The following ZFC3H1 variants were observed in gnomAD, a reference collection of about 807,000 sequenced individuals.
ZFC3H1 encodes zinc finger C3H1-type containing, also known as zinc finger C3H1 domain-containing protein.
In ZFC3H1, 71 loss-of-function variants were observed where a neutral mutation model predicts 243.7. The ratio of observed to expected loss-of-function variants is 0.29; its 90% CI spans 0.24 to 0.36. The LOEUF (loss-of-function observed/expected upper bound fraction) is 0.36. Among genes scored for constraint, ZFC3H1 ranks in the 10% least tolerant of loss-of-function variants. The pLI is 1.00. For missense variants in ZFC3H1, 1,966 were observed against 2,317.1 expected, an observed-to-expected ratio of 0.85 and a Z score of 3.11; for synonymous variants, 838 against 813.0, an observed-to-expected ratio of 1.03 and a Z score of -0.52.
intron 1 of ZFC3H1, among the ~76,000 whole-genome samples, chr12:71,661,748 T>C (rs1166923913): frequency 6.6e-6 from 1 of 152,188 alleles, no homozygotes; most frequent in African/African-American, 2.4e-5. Context: ...CTCAAAGTGT[T>C]GGGATTACAG....
At chr12:71,635,011 C>G (rs1002426780) in intron 10 of ZFC3H1, among the ~76,000 whole-genome samples, 186 bp from the exon 11 acceptor site, 1 of 152,022 alleles carries the variant, frequency 6.6e-6, no homozygotes, top group African/African-American at 2.4e-5. Flanking sequence ...TATACGCCAC[C>G]AAGTAGTGAA....
chr12:71,618,364 C>T (rs1434861199), intron 27 of ZFC3H1, among the ~76,000 whole-genome samples: 1 of 151,288 alleles, frequency 6.6e-6, no homozygotes, highest in Non-Finnish European at 1.5e-5. Flanking sequence ...ATTCTATTTT[C>T]GCTCATCTGT....
chr12:71,629,576 C>CACAG, intron 19 of ZFC3H1, 33 bp downstream of exon 19: 1 of 1,324,134 alleles, frequency 7.6e-7, no homozygotes, highest in Non-Finnish European at 1.1e-6. Context: ...CACACACACA[C>CACAG]ACACACACAC....
intron 25 of ZFC3H1, 33 bp from the exon 26 acceptor site, chr12:71,620,157 A>T: frequency 6.2e-7 from 1 of 1,611,634 alleles, no homozygotes. Context: ...GGCTAAAGAC[A>T]TGAAAAGATC....
intron 32 of ZFC3H1, 110 bp downstream of exon 32, chr12:71,611,676 A>AAAAATATAT (rs1491139663): frequency 3.6e-5 from 4 of 110,976 alleles, no homozygotes; most frequent in African/African-American, 1.6e-4. Flanking sequence ...AAAAAAAAAA[A>AAAAATATAT]ATATATATAT....
chr12:71,657,894 C>G (rs931926716), intron 1 of ZFC3H1, among the ~76,000 whole-genome samples: 1 of 151,288 alleles, frequency 6.6e-6, no homozygotes, highest in Non-Finnish European at 1.5e-5. Flanking sequence ...GACGCTGAGG[C>G]AAGAGAATTG....
chr12:71,618,230 A>T (rs946827800), intron 27 of ZFC3H1, among the ~76,000 whole-genome samples: 4 of 151,846 alleles, frequency 2.6e-5, no homozygotes, highest in Non-Finnish European at 5.9e-5. Context: ...GCACCACTGC[A>T]CCCCAGCCTG....
In ZFC3H1 at chr12:71,631,022, T is replaced by C. The variant is rs575565415; in HGVS notation, c.3471-68A>G. 178 of 1,424,030 alleles carry C rather than the reference T, an allele frequency of 1.2e-4. 1 individual carries two copies. Among genetic ancestry groups the C allele is most frequent in the Admixed American group, 2.2e-4 (9 of 40,854 alleles). 88.2% of individuals were successfully genotyped at this position (1,424,030 alleles called of 1,614,324 possible). A position where few individuals can be genotyped will look rare whatever the true frequency, so the allele number is the denominator to read the frequency against. Reference sequence around the variant, plus strand: ...ATTCCTCAGAAAACTAAGAAAACTTTAGTTTTTCTTTCTCAAGTTAAAATT... The same window carrying C: ...ATTCCTCAGAAAACTAAGAAAACTTCAGTTTTTCTTTCTCAAGTTAAAATT... On this transcript the variant is annotated intron_variant, in intron 16 of 34. Coordinates refer to ENST00000378743, the MANE Select transcript of ZFC3H1 (RefSeq NM_144982.5).
At chr12:71,630,519 C>T (rs1157231858) in intron 18 of ZFC3H1, 81 bp downstream of exon 18, 6 of 1,500,760 alleles carry the variant, frequency 4.0e-6, no homozygotes, top group East Asian at 4.5e-5. Flanking sequence ...AAGTATTTTA[C>T]AATGTCAACA....
rs760860722 is a variant in ZFC3H1 at position 71,632,372 on chromosome 12, C to T, written c.2960G>A (p.Arg987His). 2.7e-5 allele frequency: 43 copies of T among 1,613,462 alleles called. No individual in the cohort carries two copies. The highest frequency in any genetic ancestry group is 3.2e-5 in the Non-Finnish European group (38 of 1,179,830). ...ALKIQKLKEA[R>H]ALKAKEQQNI... is the part of the protein sequence containing the mutation. ...TTGTTGTTCCTTTGCTTTAAGGGCA[C>T]GGGCTTCTTTTAATTTTTGAATTTT... is the stretch of plus-strand genomic sequence containing the variant. Residue 987 changes from arginine (R) to histidine (H), a missense_variant, in exon 15 of 35, where the codon CGT (arginine) becomes CAT (histidine). Physicochemically the swap from Arg to His is conservative, Grantham distance 29. This residue lies in a region of ZFC3H1 where 1,383 missense variants were observed against 1,723.7 expected (regional missense o/e 0.80). Coordinates refer to ENST00000378743, the MANE Select transcript of ZFC3H1 (RefSeq NM_144982.5).
chr12:71,631,670 A>G, intron 16 of ZFC3H1, 108 bp downstream of exon 16: 1 of 961,080 alleles, frequency 1.0e-6, no homozygotes, highest in African/African-American at 1.7e-5. Flanking sequence ...CTGGTTATCA[A>G]TAGCAATGAT....
chr12:71,658,782 A>AC (rs915088536), intron 1 of ZFC3H1, among the ~76,000 whole-genome samples: 1 of 152,164 alleles, frequency 6.6e-6, no homozygotes, highest in African/African-American at 2.4e-5. Context: ...TAACAGTTCT[A>AC]CAGCAAAACT....
At position 71,613,435 on chromosome 12, in the gene ZFC3H1, C is replaced by T; in HGVS notation, c.5527G>A (p.Val1843Ile). The T allele has an allele frequency of 1.3e-6, 2 of 1,598,738 alleles. No homozygotes were observed. The highest frequency in any genetic ancestry group is 1.7e-6 in the Non-Finnish European group (2 of 1,170,880). The change falls in exon 31 of 35, where the codon GTT becomes ATT. Residue 1843 changes from valine (V) to isoleucine (I), a missense_variant and splice_region_variant. Coordinates refer to ENST00000378743, the MANE Select transcript of ZFC3H1 (RefSeq NM_144982.5). ...ACACAGCTCAAATAAAAGAAAATAA[C>T]CTGTAAAGGTTGAGGGGGGCGAAAA... ...YWSNYEFHNR[V>I]IFFYLSCVPK... is the part of the protein sequence containing the mutation.
In ZFC3H1 at chr12:71,630,704, T is replaced by C. The variant is rs755636848; in HGVS notation, c.3620A>G (p.Tyr1207Cys). ...GAATAACTGTTTTCGGCTAAGTGTATAGTCTTGTATATGCTGCCTAAGATA... is the reference window on the plus strand; with the variant it reads ...GAATAACTGTTTTCGGCTAAGTGTACAGTCTTGTATATGCTGCCTAAGATA... ...DDCQWQHIQD[Y>C]TLSRKQLFQD... is the part of the protein sequence containing the mutation. Residue 1207 changes from tyrosine to cysteine, a missense_variant, in exon 18 of 35, where the codon TAT becomes TGT. By Grantham distance (194) the Tyr-to-Cys change is radical. Coordinates refer to ENST00000378743, the MANE Select transcript of ZFC3H1 (RefSeq NM_144982.5). 62 of 1,612,010 alleles carry C rather than the reference T, an allele frequency of 3.8e-5. No individual in the cohort carries two copies. Among genetic ancestry groups the C allele is most frequent in the Non-Finnish European group, 4.7e-5 (55 of 1,179,352 alleles).
chr12:71,657,210 T>A lies in ZFC3H1; in HGVS notation c.690A>T (p.Leu230Phe), dbSNP rs1451549142. 1 of 1,608,478 alleles carries A rather than the reference T, an allele frequency of 6.2e-7. No homozygotes were observed. Among genetic ancestry groups the A allele is most frequent in the South Asian group, 1.1e-5 (1 of 89,040 alleles). ...CVEETFEDLL[L>F]KYKQIQLELE... is the part of the protein sequence containing the mutation. ...GTTCCAACTGTATTTGTTTATACTT[T>A]AAAAGCAAATCTTCAAAAGTTTCTT... Residue 230 changes from leucine to phenylalanine, a missense_variant, in exon 2 of 35, where the codon TTA (leucine) becomes TTT (phenylalanine). Physicochemically the swap from Leu to Phe is conservative, Grantham distance 22. Around this residue, in one of 4 missense-constraint regions of ZFC3H1, gnomAD observed 484 missense variants for 449.7 expected, o/e 1.08. Transcript: ENST00000378743.
At chr12:71,633,469 T>C in intron 12 of ZFC3H1, 31 bp from the exon 13 acceptor site, 1 of 1,505,268 alleles carries the variant, frequency 6.6e-7, no homozygotes, top group Non-Finnish European at 8.9e-7. Flanking sequence ...TTCTTGTTAA[T>C]GTTTCCCTAC....
intron 21 of ZFC3H1, among the ~76,000 whole-genome samples, chr12:71,627,495 T>C (rs1880199127): frequency 6.6e-6 from 1 of 152,142 alleles, no homozygotes; most frequent in Non-Finnish European, 1.5e-5. Flanking sequence ...AATCCTACTT[T>C]GAAATAAGAG....
chr12:71,646,274 T>A (rs1163545334), intron 3 of ZFC3H1, among the ~76,000 whole-genome samples: 2 of 152,206 alleles, frequency 1.3e-5, no homozygotes, highest in African/African-American at 4.8e-5. Flanking sequence ...TTATTATGGT[T>A]CTTTTTTAAA....
intron 1 of ZFC3H1, 46 bp downstream of exon 1, chr12:71,662,967 G>A: frequency 6.6e-7 from 1 of 1,512,272 alleles, no homozygotes; most frequent in East Asian, 2.3e-5. Flanking sequence ...GACGCTAAAG[G>A]GAACTTTAGT....
Sources: allele counts gnomAD v4.1 joint callset (sites outside exome capture counted in the v4.1 genomes callset), GRCh38; gene constraint gnomAD v4.1.1; regional missense constraint gnomAD v4.1.1; transcripts MANE v1.5; gene names NCBI Gene and HGNC (gene_info 2026-07-23, HGNC 2026-07-21).